LY6H: variants seen among roughly 807,000 people sequenced by gnomAD.
The protein encoded by LY6H is lymphocyte antigen 6 family member H.
In LY6H, 8 loss-of-function variants were observed where a neutral mutation model predicts 14.6. The observed-to-expected ratio is 0.55, with a 90% CI of 0.32 to 0.99. The LOEUF (loss-of-function observed/expected upper bound fraction) is 0.99, where lower values mean the gene tolerates loss of function less well. Among genes scored for constraint, LY6H ranks in the 50% least tolerant of loss-of-function variants. LY6H has a pLI of 0.04. For synonymous variants in LY6H, 115 were observed against 97.2 expected, an observed-to-expected ratio of 1.18 and a Z score of -1.08; for missense variants, 196 against 219.6, an observed-to-expected ratio of 0.89 and a Z score of 0.68.
rs954683105 is a variant in LY6H at position 143,158,272 on chromosome 8, G to A, written c.464C>T (p.Ala155Val). Reference protein sequence around the residue: ...AGGLLLSLGPALLWAGP With the variant: ...AGGLLLSLGPVLLWAGP The stretch of plus-strand genomic sequence containing the variant: ...ACATCAGGGCCCAGCCCAGAGGAGG[G>A]CAGGCCCCAGGCTGAGCAGGAGCCC... Residue 155 changes from alanine (A) to valine (V), a missense_variant, in exon 4 of 4, where the codon GCC becomes GTC. By Grantham distance (64) the Ala-to-Val change is moderately conservative. Transcript: ENST00000342752. The A allele has an allele frequency of 8.1e-6, 13 of 1,612,258 alleles. No homozygotes were observed. Among genetic ancestry groups the A allele is most frequent in the Non-Finnish European group, 1.1e-5 (13 of 1,179,100 alleles).
At position 143,157,944 on chromosome 8, in the gene LY6H, C is replaced by T. The variant is rs1236878906; in HGVS notation, c.*306G>A. 14 of 407,874 alleles carry T rather than the reference C, an allele frequency of 3.4e-5. No homozygotes were observed. The highest frequency in any genetic ancestry group is 1.3e-4 in the South Asian group (2 of 15,132). 25.3% of individuals were successfully genotyped at this position (407,874 alleles called of 1,614,324 possible). A position where few individuals can be genotyped will look rare whatever the true frequency, so the allele number is the denominator to read the frequency against. ...GGACTCAAAAGTGACTTTATTTCTC[C>T]GCAGAAGACGCCCTTCCAGCTGGGC... is the stretch of plus-strand genomic sequence containing the variant. On this transcript the variant is annotated 3_prime_UTR_variant, in exon 4 of 4. Transcript: ENST00000342752.
chr8:143,158,693 C>T, intron 3 of LY6H, 110 bp downstream of exon 3: 1 of 1,409,052 alleles, frequency 7.1e-7, no homozygotes, highest in Non-Finnish European at 9.7e-7. Context: ...CTGCCTGCCG[C>T]CCCACGCTCT....
chr8:143,158,105 C>T lies in LY6H; in HGVS notation c.*145G>A. ...AGCTGGCGGAGAGACAGGGAGGCTT[C>T]ACGTCGGGGGAGGAGTGAGAGCCAC... On this transcript the variant is annotated 3_prime_UTR_variant, in exon 4 of 4. Coordinates refer to ENST00000342752, the MANE Select transcript of LY6H (RefSeq NM_001135655.2). 1 of 607,774 alleles carries T rather than the reference C, an allele frequency of 1.6e-6. No homozygotes were observed. The highest frequency in any genetic ancestry group is 2.9e-6 in the Non-Finnish European group (1 of 343,918). The allele number at this position is 607,774 out of a possible 1,614,324, so 37.6% of individuals were successfully genotyped here.
upstream of LY6H, chr8:143,160,329 C>G: frequency 1.4e-6 from 1 of 719,816 alleles, no homozygotes. Context: ...GACGCGGACC[C>G]CGCGCGAGGG....
rs1406780649 is a variant in LY6H at position 143,158,829 on chromosome 8, C to G, written c.224G>C (p.Ser75Thr). The stretch of plus-strand genomic sequence containing the variant: ...GCTGCTGGGATCGGTGATTCGGACA[C>G]TGGCACACACCGTGTCGGACGGCTG... ...QCQPSDTVCA[S>T]VRITDPSSSR... The change falls in exon 3 of 4, where the codon AGT (serine) becomes ACT (threonine). Residue 75 changes from serine to threonine, a missense_variant. Ser to Thr is a moderately conservative substitution (Grantham distance 58). Transcript: ENST00000342752. 2 of 1,600,542 alleles carry G rather than the reference C, an allele frequency of 1.2e-6. No individual in the cohort carries two copies. Among genetic ancestry groups the G allele is most frequent in the Admixed American group, 3.4e-5 (2 of 59,612 alleles).
Position 143,158,294 on chromosome 8 carries a change from G to GC in LY6H, c.441dup (p.Leu148AlafsTer64). On this transcript the variant is annotated frameshift_variant, in exon 4 of 4. Transcript: ENST00000342752. LOFTEE classifies it high-confidence loss of function. ...AGGGCAGGCCCCAGGCTGAGCAGGA[G>GC]CCCCCCGGCCAGGGCCCAGGGGCTG... is the stretch of plus-strand genomic sequence containing the variant. 12 of 1,613,252 alleles carry GC rather than the reference G, an allele frequency of 7.4e-6. No homozygotes were observed. Among genetic ancestry groups the GC allele is most frequent in the South Asian group, 1.1e-5 (1 of 91,064 alleles).
In LY6H at chr8:143,158,285, T is replaced by A. The variant is rs761736313; in HGVS notation, c.451A>T (p.Ser151Cys). 2 of 1,613,146 alleles carry A rather than the reference T, an allele frequency of 1.2e-6. No individual in the cohort carries two copies. The highest frequency in any genetic ancestry group is 2.7e-5 in the African/African-American group (2 of 75,006). ...PWALAGGLLLSLGPALLWAGP is the reference protein window; with the variant it reads ...PWALAGGLLLCLGPALLWAGP Reference sequence around the variant, plus strand: ...GCCCAGAGGAGGGCAGGCCCCAGGCTGAGCAGGAGCCCCCCGGCCAGGGCC... The same window carrying A: ...GCCCAGAGGAGGGCAGGCCCCAGGCAGAGCAGGAGCCCCCCGGCCAGGGCC... Residue 151 changes from serine (S) to cysteine (C), a missense_variant, in exon 4 of 4, where the codon AGC becomes TGC. Physicochemically the swap from Ser to Cys is moderately radical, Grantham distance 112 (BLOSUM62 -1). Transcript: ENST00000342752.
At chr8:143,160,072 C>T in intron 1 of LY6H, 126 bp downstream of exon 1, 1 of 918,046 alleles carries the variant, frequency 1.1e-6, no homozygotes, top group Non-Finnish European at 1.4e-6. Context: ...GTCCCCACCC[C>T]CACCCCTGGG....
At chr8:143,158,944 G>T (rs372721320) in intron 2 of LY6H, 22 bp from the exon 3 acceptor site, 1 of 1,612,038 alleles carries the variant, frequency 6.2e-7, no homozygotes, top group African/African-American at 1.3e-5. Context: ...ATGGGGAGGA[G>T]GGTGACCAGA....
rs1234744998 is a variant in LY6H, at chr8:143,159,626, C to A, written c.86G>T (p.Gly29Val). The A allele has an allele frequency of 1.4e-6, 2 of 1,479,064 alleles. No homozygotes were observed. Among genetic ancestry groups the A allele is most frequent in the Admixed American group, 2.3e-5 (1 of 42,582 alleles). 91.6% of individuals were successfully genotyped at this position (1,479,064 alleles called of 1,614,324 possible). A position where few individuals can be genotyped will look rare whatever the true frequency, so the allele number is the denominator to read the frequency against. ...GACGGCCAGCAGCGCCAGGCCGAGG[C>A]CCTTCATGGCTGCAGGCAGCATGCT... ...TRSMLPAAMK[G>V]LGLALLAVLL... The change falls in exon 2 of 4, where the codon GGC (glycine) becomes GTC (valine). Residue 29 changes from glycine (G) to valine (V), a missense_variant. Gly to Val is a moderately radical substitution (Grantham distance 109). Coordinates refer to ENST00000342752, the MANE Select transcript of LY6H (RefSeq NM_001135655.2).
chr8:143,158,114 G>C lies in LY6H; in HGVS notation c.*136C>G, dbSNP rs1213885998. On this transcript the variant is annotated 3_prime_UTR_variant, in exon 4 of 4. Coordinates refer to ENST00000342752, the MANE Select transcript of LY6H (RefSeq NM_001135655.2). ...AGAGACAGGGAGGCTTCACGTCGGG[G>C]GAGGAGTGAGAGCCACAGGCCACAG... 4 of 618,112 alleles carry C rather than the reference G, an allele frequency of 6.5e-6. No individual in the cohort carries two copies. The African/African-American group carries it at 7.4e-5, about 11-fold the overall frequency. The allele number at this position is 618,112 out of a possible 1,614,324, so 38.3% of individuals were successfully genotyped here.
intron 2 of LY6H, chr8:143,159,280 G>A (rs1188305099): frequency 3.3e-5 from 18 of 543,680 alleles, no homozygotes; most frequent in Non-Finnish European, 5.6e-5. Flanking sequence ...AAGCTGTGAA[G>A]GACCAAACTG....
intron 1 of LY6H, 83 bp from the exon 2 acceptor site, chr8:143,159,792 C>G (rs1815552829): frequency 7.8e-7 from 1 of 1,282,792 alleles, no homozygotes; most frequent in South Asian, 2.2e-5. Context: ...CCCCGGAATC[C>G]AAGGCCGGGG....
Position 143,158,314 on chromosome 8 carries a change from G to A in LY6H, c.422C>T (p.Pro141Leu), listed in dbSNP as rs747366822. Residue 141 changes from proline to leucine, a missense_variant, in exon 4 of 4, where the codon CCC becomes CTC. By Grantham distance (98) the Pro-to-Leu change is moderately conservative. Transcript: ENST00000342752. ...CAGGAGCCCCCCGGCCAGGGCCCAG[G>A]GGCTGTGCCCTGCCCCTGCCGCCCC... ...CNGAAGAGHSPWALAGGLLLS... is the reference protein window; with the variant it reads ...CNGAAGAGHSLWALAGGLLLS... The A allele has an allele frequency of 1.2e-6, 2 of 1,613,518 alleles. No individual in the cohort carries two copies. The highest frequency in any genetic ancestry group is 2.2e-5 in the South Asian group (2 of 91,076).
chr8:143,158,083 T>G lies in LY6H; in HGVS notation c.*167A>C. On this transcript the variant is annotated 3_prime_UTR_variant, in exon 4 of 4. Transcript: ENST00000342752. ...TGTCCAGCTGCCTGGGACTCAGAGC[T>G]GGCGGAGAGACAGGGAGGCTTCACG... 1.7e-6 allele frequency: 1 copy of G among 589,424 alleles called. No homozygotes were observed. Among genetic ancestry groups the G allele is most frequent in the South Asian group, 2.1e-5 (1 of 47,530 alleles). 36.5% of individuals were successfully genotyped at this position (589,424 alleles called of 1,614,324 possible). A position where few individuals can be genotyped will look rare whatever the true frequency, so the allele number is the denominator to read the frequency against.
rs145337157 is a variant in LY6H at position 143,158,414 on chromosome 8, C to T, written c.322G>A (p.Asp108Asn). 7.4e-6 allele frequency: 12 copies of T among 1,613,920 alleles called. No individual in the cohort carries two copies. Among genetic ancestry groups the T allele is most frequent in the Non-Finnish European group, 8.5e-6 (10 of 1,180,004 alleles). Residue 108 changes from aspartate to asparagine, a missense_variant, in exon 4 of 4, where the codon GAC (aspartate) becomes AAC (asparagine). Physicochemically the swap from Asp to Asn is conservative, Grantham distance 23 (BLOSUM62 1). Coordinates refer to ENST00000342752, the MANE Select transcript of LY6H (RefSeq NM_001135655.2). ...GAGTTAATAAACCCCATCAGATAGT[C>T]TGAGAAAAAGTGTCGCTTAACGAAG... ...CDFVKRHFFSDYLMGFINSGI... is the reference protein window; with the variant it reads ...CDFVKRHFFSNYLMGFINSGI...
intron 1 of LY6H, chr8:143,159,921 G>T: frequency 8.2e-7 from 1 of 1,217,872 alleles, no homozygotes; most frequent in Non-Finnish European, 1.0e-6. Flanking sequence ...AGACGCCTCC[G>T]CCCCGCGCCG....
rs751313109 is a variant in LY6H, at chr8:143,158,206, G to A, written c.*44C>T. 9.7e-6 allele frequency: 14 copies of A among 1,450,198 alleles called. No individual in the cohort carries two copies. In the South Asian group the frequency reaches 1.7e-4, roughly 18 times the overall value. The allele number at this position is 1,450,198 out of a possible 1,614,324, so 89.8% of individuals were successfully genotyped here. On this transcript the variant is annotated 3_prime_UTR_variant, in exon 4 of 4. Coordinates refer to ENST00000342752, the MANE Select transcript of LY6H (RefSeq NM_001135655.2). ...CAGGCTGGGGAGAGGGCAGCCACAGGCTCAGGGGAGCAAGCTCAGAAGCCC... is the reference window on the plus strand; with the variant it reads ...CAGGCTGGGGAGAGGGCAGCCACAGACTCAGGGGAGCAAGCTCAGAAGCCC...
At chr8:143,159,513 C>A in intron 2 of LY6H, 69 bp downstream of exon 2, 1 of 1,425,012 alleles carries the variant, frequency 7.0e-7, no homozygotes, top group South Asian at 1.5e-5. Flanking sequence ...GGCAGCCCCA[C>A]ACCCGGCTCT....
Sources: allele counts gnomAD v4.1 joint callset, GRCh38; gene constraint gnomAD v4.1.1; transcripts MANE v1.5; gene names NCBI Gene and HGNC (gene_info 2026-07-23, HGNC 2026-07-21).